Variants in SPAG9 observed in about 807,000 individuals in gnomAD.
The protein encoded by SPAG9 is C-Jun-amino-terminal kinase-interacting protein 4.
SPAG9 carries 35 observed loss-of-function variants against 166.5 expected under a neutral mutation model. The ratio of observed to expected loss-of-function variants is 0.21; its 90% CI spans 0.16 to 0.28. SPAG9 has a LOEUF of 0.28. SPAG9 is among the 10% of genes least tolerant of loss of function. The probability of loss-of-function intolerance (pLI) is 1.00; values close to 1 mark genes in which losing one functional copy is unlikely to be tolerated. For missense variants in SPAG9, 1,235 were observed against 1,603.3 expected (o/e 0.77, Z 3.92); for synonymous variants, 534 against 565.5 (o/e 0.94, Z 0.79).
intron 2 of SPAG9, among the ~76,000 whole-genome samples, chr17:51,061,612 C>CCAAAAAAAAAAA (rs34337438): frequency 3.2e-5 from 1 of 31,726 alleles, no homozygotes. Context: ...GCTCTGTCTC[C>CCAAAAAAAAAAA]AAAAAAAAAA....
At chr17:51,031,772 G>T (rs1289198555) in intron 5 of SPAG9, 50 bp from the exon 6 acceptor site, 3 of 1,322,972 alleles carry the variant, frequency 2.3e-6, no homozygotes, top group Admixed American at 2.0e-5. Flanking sequence ...TGTTTACTAG[G>T]TTTTAACACA....
rs569111393 is a variant in SPAG9 at position 51,068,583 on chromosome 17, C to G, written c.424+11001G>C. 1.5e-4 allele frequency among the ~76,000 whole-genome samples: 23 copies of G among 152,298 alleles called. 1 individual carries two copies. The highest frequency in any genetic ancestry group is 4.6e-4 in the African/African-American group (19 of 41,566). On this transcript the variant is annotated intron_variant, in intron 2 of 29. Transcript: ENST00000262013. ...CCTCTGCACATATTCCTGTGTATCACCCTCATGGCCAAGAAATACTTCCTC... is the reference window on the plus strand; with the variant it reads ...CCTCTGCACATATTCCTGTGTATCAGCCTCATGGCCAAGAAATACTTCCTC...
At chr17:51,040,815 T>C (rs2046809823) in intron 5 of SPAG9, among the ~76,000 whole-genome samples, 1 of 152,230 alleles carries the variant, frequency 6.6e-6, no homozygotes, top group Non-Finnish European at 1.5e-5. Flanking sequence ...AGGTGGCCTG[T>C]TTCATGATGA....
intron 6 of SPAG9, among the ~76,000 whole-genome samples, chr17:51,021,674 T>C (rs913682099): frequency 3.4e-4 from 51 of 152,218 alleles, no homozygotes; most frequent in African/African-American, 1.2e-3. Flanking sequence ...TGCAATATTG[T>C]ACAGTCACTT....
intron 2 of SPAG9, among the ~76,000 whole-genome samples, chr17:51,071,601 A>T (rs1247645626): frequency 6.6e-6 from 1 of 152,192 alleles, no homozygotes; most frequent in Non-Finnish European, 1.5e-5. Context: ...ATTGTTAAAA[A>T]ACATATTATA....
intron 9 of SPAG9, among the ~76,000 whole-genome samples, chr17:51,010,291 T>G (rs964016612): frequency 1.3e-5 from 2 of 152,114 alleles, no homozygotes; most frequent in African/African-American, 2.4e-5. Flanking sequence ...ATCACCGATT[T>G]TGAGGTGAAA....
At chr17:51,095,978 T>TATATATATAGTG (rs1568083873) in intron 1 of SPAG9, among the ~76,000 whole-genome samples, 2,102 of 47,040 alleles carry the variant, frequency 0.045, 102 homozygotes, top group Non-Finnish European at 0.073. Context: ...TATAGTGATA[T>TATATATATAGTG]ATATATATAT....
rs11656955 is a variant in SPAG9 at position 50,970,703 on chromosome 17, A to G, written c.3850+4T>C. The G allele has an allele frequency of 0.046, 74,602 of 1,613,414 alleles. 2,076 individuals are homozygous for G. The highest frequency in any genetic ancestry group is 0.054 in the Non-Finnish European group (63,436 of 1,179,420). ...AAACTGAGCACCCAGAACCAATGAC[A>G]TACCCATTCGGAAGTCGATGTAGCC... is the stretch of plus-strand genomic sequence containing the variant. On this transcript the variant is annotated splice_donor_region_variant and intron_variant, in intron 29 of 29. Coordinates refer to ENST00000262013, the MANE Select transcript of SPAG9 (RefSeq NM_001130528.3).
chr17:50,985,897 A>T, intron 22 of SPAG9, 119 bp from the exon 23 acceptor site: 1 of 572,658 alleles, frequency 1.7e-6, no homozygotes, highest in Non-Finnish European at 3.0e-6. Flanking sequence ...ATTTTAGGAA[A>T]AGGTGCTGCT....
chr17:51,096,569 A>G (rs910690486), intron 1 of SPAG9, among the ~76,000 whole-genome samples: 3 of 152,172 alleles, frequency 2.0e-5, no homozygotes, highest in African/African-American at 4.8e-5. Context: ...AAAACCTGGC[A>G]TCCTATTTCT....
intron 9 of SPAG9, among the ~76,000 whole-genome samples, chr17:51,008,635 C>A (rs1054195439): frequency 6.6e-6 from 1 of 152,040 alleles, no homozygotes; most frequent in Non-Finnish European, 1.5e-5. Flanking sequence ...ATTCTGTGTA[C>A]CTGGACTCAT....
intron 1 of SPAG9, among the ~76,000 whole-genome samples, chr17:51,093,124 C>T (rs2048514677): frequency 6.7e-6 from 1 of 149,472 alleles, no homozygotes; most frequent in African/African-American, 2.5e-5. Context: ...CTTGTAATCC[C>T]AGCACTTTGG....
At position 51,001,707 on chromosome 17, in the gene SPAG9, A is replaced by G; in HGVS notation, c.1607+8T>C. ...GTAGGAAAATAATGGAGCGCTTGTC[A>G]TACAAACCGAATCATCTCTGTCCAT... On this transcript the variant is annotated splice_region_variant and intron_variant, in intron 13 of 29. Transcript: ENST00000262013. 1 of 1,601,624 alleles carries G rather than the reference A, an allele frequency of 6.2e-7. No homozygotes were observed. Among genetic ancestry groups the G allele is most frequent in the Non-Finnish European group, 8.5e-7 (1 of 1,177,098 alleles).
chr17:51,071,270 T>C (rs998493918), intron 2 of SPAG9, among the ~76,000 whole-genome samples: 1 of 152,096 alleles, frequency 6.6e-6, no homozygotes, highest in South Asian at 2.1e-4. Flanking sequence ...ACAGAGACAA[T>C]AAATATAAAA....
At chr17:50,969,795 A>ATGCAG (rs1266402823) in intron 29 of SPAG9, among the ~76,000 whole-genome samples, 1 of 152,012 alleles carries the variant, frequency 6.6e-6, no homozygotes, top group East Asian at 1.9e-4. Context: ...TGCTAAGACT[A>ATGCAG]TGCAGTGCTG....
chr17:51,003,601 A>G (rs528491733), intron 12 of SPAG9, among the ~76,000 whole-genome samples: 1 of 152,194 alleles, frequency 6.6e-6, no homozygotes, highest in Non-Finnish European at 1.5e-5. Flanking sequence ...GTATGTGAAT[A>G]TAGAGTGAGC....
At chr17:51,054,438 T>C (rs2047302029) in intron 3 of SPAG9, among the ~76,000 whole-genome samples, 1 of 149,264 alleles carries the variant, frequency 6.7e-6, no homozygotes, top group Non-Finnish European at 1.5e-5. Flanking sequence ...GTGGGTTTTT[T>C]TGGCTTTTTT....
intron 19 of SPAG9, among the ~76,000 whole-genome samples, chr17:50,991,952 TA>T (rs34990922): frequency 0.13 from 13,472 of 107,064 alleles, 2,507 homozygotes; most frequent in African/African-American, 0.28. Context: ...TTTTTTTTTT[TA>T]AAACACAGGG....
chr17:51,053,406 G>A (rs1297587204), intron 3 of SPAG9, among the ~76,000 whole-genome samples: 1 of 151,742 alleles, frequency 6.6e-6, no homozygotes, highest in African/African-American at 2.4e-5. Flanking sequence ...GCGTGCACTG[G>A]CCAGGAGCGG....
Sources: gnomAD v4.1 joint callset for allele counts (sites outside exome capture counted in the v4.1 genomes callset) on GRCh38, gnomAD v4.1.1 for gene constraint, MANE v1.5 for transcripts, NCBI Gene and HGNC (gene_info 2026-07-23, HGNC 2026-07-21) for gene names.